Variants in FBXO28 observed in about 807,000 individuals in gnomAD.
The protein encoded by FBXO28 is F-box only protein 28.
A neutral mutation model predicts 38.1 loss-of-function variants in FBXO28; 8 were observed. The observed-to-expected ratio is 0.21, with a 90% CI of 0.12 to 0.38. The LOEUF (loss-of-function observed/expected upper bound fraction) is 0.38. Among genes scored for constraint, FBXO28 ranks in the 10% least tolerant of loss-of-function variants. The pLI is 1.00. For missense variants in FBXO28, 345 were observed against 460.6 expected, an observed-to-expected ratio of 0.75 and a Z score of 2.30; for synonymous variants, 168 against 173.8, an observed-to-expected ratio of 0.97 and a Z score of 0.26.
Position 224,158,056 on chromosome 1 carries a change from C to T in FBXO28, c.*310C>T. The T allele has an allele frequency of 9.3e-7, 1 of 1,075,430 alleles. No homozygotes were observed. The highest frequency in any genetic ancestry group is 1.1e-6 in the Non-Finnish European group (1 of 888,316). 66.6% of individuals were successfully genotyped at this position (1,075,430 alleles called of 1,614,324 possible). A position where few individuals can be genotyped will look rare whatever the true frequency, so the allele number is the denominator to read the frequency against. On this transcript the variant is annotated 3_prime_UTR_variant, in exon 5 of 5. Transcript: ENST00000366862. Reference sequence around the variant, plus strand: ...ATTTGTTTCTGCATATATGCACATACATACGTAAGGATCTTAAACCCAGTC... The same window carrying T: ...ATTTGTTTCTGCATATATGCACATATATACGTAAGGATCTTAAACCCAGTC...
chr1:224,124,279 T>G lies in FBXO28; in HGVS notation c.268-6193T>G, dbSNP rs564929364. ...ACTAAGAAAACTACATTTATTCTCT[T>G]ACAGTAGAACAGTGAGTAACAGGAG... On this transcript the variant is annotated intron_variant, in intron 1 of 4. Coordinates refer to ENST00000366862, the MANE Select transcript of FBXO28 (RefSeq NM_015176.4). Among the ~76,000 whole-genome samples the G allele has an allele frequency of 7.2e-5, 11 of 152,336 alleles. No homozygotes were observed. In the South Asian group the frequency reaches 2.3e-3, roughly 32 times the overall value.
intron 4 of FBXO28, 99 bp downstream of exon 4, chr1:224,153,436 T>A: frequency 1.2e-6 from 1 of 803,424 alleles, no homozygotes; most frequent in Non-Finnish European, 1.9e-6. Flanking sequence ...TGTTAGTAGT[T>A]GTTTATTGGC....
chr1:224,150,053 GT>G (rs1176484096), intron 3 of FBXO28, among the ~76,000 whole-genome samples: 1 of 151,140 alleles, frequency 6.6e-6, no homozygotes, highest in African/African-American at 2.4e-5. Flanking sequence ...GCCAGGTGCA[GT>G]GGCTTATGCC....
At position 224,118,288 on chromosome 1, in the gene FBXO28, A is replaced by G. The variant is rs148488589; in HGVS notation, c.267+3892A>G. Reference sequence around the variant, plus strand: ...AATTTTTTTTCTATTTATTTAAAGTACAATATAAAAAGGGAAAAAAAATTA... The same window carrying G: ...AATTTTTTTTCTATTTATTTAAAGTGCAATATAAAAAGGGAAAAAAAATTA... On this transcript the variant is annotated intron_variant, in intron 1 of 4. Transcript: ENST00000366862. Among the ~76,000 whole-genome samples the G allele has an allele frequency of 3.6e-3, 185 of 51,156 alleles. 1 individual carries two copies. Among genetic ancestry groups the G allele is most frequent in the South Asian group, 0.036 (28 of 776 alleles). The allele number at this position is 51,156 out of a possible 152,430, so 33.6% of individuals were successfully genotyped here.
At chr1:224,140,416 T>G (rs1259192331) in intron 3 of FBXO28, among the ~76,000 whole-genome samples, 2 of 152,194 alleles carry the variant, frequency 1.3e-5, no homozygotes, top group African/African-American at 4.8e-5. Flanking sequence ...TTTGTGTCAC[T>G]TGATCATCAC....
At chr1:224,121,739 C>T (rs1331361420) in intron 1 of FBXO28, among the ~76,000 whole-genome samples, 1 of 152,054 alleles carries the variant, frequency 6.6e-6, no homozygotes, top group Non-Finnish European at 1.5e-5. Flanking sequence ...CCTCCACCTC[C>T]CAGGTTCAAG....
At position 224,136,101 on chromosome 1, in the gene FBXO28, G is replaced by GTTTGTTT. The variant is rs1553290074; in HGVS notation, c.516+1892_516+1893insGTTTTTT. Among the ~76,000 whole-genome samples the GTTTGTTT allele has an allele frequency of 1.3e-4, 10 of 75,114 alleles. 1 individual carries two copies. The highest frequency in any genetic ancestry group is 5.0e-4 in the African/African-American group (9 of 17,986). The allele number at this position is 75,114 out of a possible 152,430, so 49.3% of individuals were successfully genotyped here. A position where few individuals can be genotyped will look rare whatever the true frequency, so the allele number is the denominator to read the frequency against. ...TTTTGGAAACCATTTGTTGACTTCA[G>GTTTGTTT]TTTTTTTTTTTTTTTTTTTTGAGAT... On this transcript the variant is annotated intron_variant, in intron 3 of 4. Transcript: ENST00000366862.
At chr1:224,118,643 A>C (rs1454670785) in intron 1 of FBXO28, among the ~76,000 whole-genome samples, 2 of 152,168 alleles carry the variant, frequency 1.3e-5, no homozygotes, top group African/African-American at 4.8e-5. Flanking sequence ...CAAATATGTT[A>C]GAAAATTTTA....
chr1:224,130,501 G>A lies in FBXO28; in HGVS notation c.297G>A (p.Gln99=). The part of the protein sequence containing the change: ...LVCKRMDLVC[Q]RMLNQGFLKV... ...GTAAAAGAATGGACTTGGTCTGCCA[G>A]AGAATGTTGAATCAGGGATTTCTGA... Residue 99 remains glutamine (Q), a synonymous_variant, in exon 2 of 5, where the codon CAG becomes CAA. Transcript: ENST00000366862. The A allele has an allele frequency of 6.2e-7, 1 of 1,613,982 alleles. No individual in the cohort carries two copies. The highest frequency in any genetic ancestry group is 8.5e-7 in the Non-Finnish European group (1 of 1,179,892).
chr1:224,149,858 A>G (rs1038721036), intron 3 of FBXO28, among the ~76,000 whole-genome samples: 1 of 152,232 alleles, frequency 6.6e-6, no homozygotes, highest in African/African-American at 2.4e-5. Context: ...GACCTCGTGT[A>G]TAACTAAGGA....
At chr1:224,142,681 G>A (rs1034268270) in intron 3 of FBXO28, among the ~76,000 whole-genome samples, 2 of 152,118 alleles carry the variant, frequency 1.3e-5, no homozygotes, top group Non-Finnish European at 2.9e-5. Flanking sequence ...CAGGCACAGT[G>A]GCTCCCACCT....
At chr1:224,138,645 C>A (rs1157588171) in intron 3 of FBXO28, among the ~76,000 whole-genome samples, 1 of 151,822 alleles carries the variant, frequency 6.6e-6, no homozygotes, top group African/African-American at 2.4e-5. Flanking sequence ...TGACACACAA[C>A]CGTATGTGAG....
At chr1:224,127,384 A>T (rs1426947718) in intron 1 of FBXO28, among the ~76,000 whole-genome samples, 1 of 152,108 alleles carries the variant, frequency 6.6e-6, no homozygotes, top group Non-Finnish European at 1.5e-5. Flanking sequence ...GAATGCAGAG[A>T]CAGGTATGAA....
rs1657812458 is a variant in FBXO28 at position 224,158,045 on chromosome 1, A to G, written c.*299A>G. ...AAAGTAAGTTAATTTGTTTCTGCAT[A>G]TATGCACATACATACGTAAGGATCT... On this transcript the variant is annotated 3_prime_UTR_variant, in exon 5 of 5. Transcript: ENST00000366862. The G allele has an allele frequency of 8.9e-7, 1 of 1,119,478 alleles. No individual in the cohort carries two copies. The highest frequency in any genetic ancestry group is 1.1e-6 in the Non-Finnish European group (1 of 916,062). 69.3% of individuals were successfully genotyped at this position (1,119,478 alleles called of 1,614,324 possible).
chr1:224,124,639 G>A (rs1656862936), intron 1 of FBXO28, among the ~76,000 whole-genome samples: 1 of 152,168 alleles, frequency 6.6e-6, no homozygotes, highest in Admixed American at 6.6e-5. Context: ...TCATTAAACT[G>A]CTTGTCCTGG....
At chr1:224,135,611 CAAAAAAAAAAAA>C (rs71168313) in intron 3 of FBXO28, among the ~76,000 whole-genome samples, 1 of 110,790 alleles carries the variant, frequency 9.0e-6, no homozygotes, top group Admixed American at 1.0e-4. Flanking sequence ...GACTCTGTCT[CAAAAAAAAAAAA>C]AAAAAAAAAA....
Position 224,130,599 on chromosome 1 carries a change from A to G in FBXO28, c.377+18A>G, listed in dbSNP as rs1022161385. 24 of 1,505,800 alleles carry G rather than the reference A, an allele frequency of 1.6e-5. No homozygotes were observed. The highest frequency in any genetic ancestry group is 6.7e-5 in the Admixed American group (4 of 59,542). 93.3% of individuals were successfully genotyped at this position (1,505,800 alleles called of 1,614,324 possible). A position where few individuals can be genotyped will look rare whatever the true frequency, so the allele number is the denominator to read the frequency against. ...CTCCCAAGGTATGTTGTGGGTGGCAATGACAATGATGTACAGTTGGTTTTG... is the reference window on the plus strand; with the variant it reads ...CTCCCAAGGTATGTTGTGGGTGGCAGTGACAATGATGTACAGTTGGTTTTG... On this transcript the variant is annotated intron_variant, in intron 2 of 4. Transcript: ENST00000366862.
intron 3 of FBXO28, among the ~76,000 whole-genome samples, chr1:224,140,201 A>G (rs533904575): frequency 1.1e-4 from 17 of 152,326 alleles, no homozygotes; most frequent in Admixed American, 1.0e-3. Flanking sequence ...AAGCTAGGAT[A>G]CTCTTACTTA....
At chr1:224,123,809 C>CA (rs1244436636) in intron 1 of FBXO28, among the ~76,000 whole-genome samples, 7 of 152,116 alleles carry the variant, frequency 4.6e-5, no homozygotes, top group Non-Finnish European at 1.0e-4. Context: ...TTTTGTAAAA[C>CA]AATCAGTTAA....
Sources: gnomAD v4.1 joint callset for allele counts (sites outside exome capture counted in the v4.1 genomes callset) on GRCh38, gnomAD v4.1.1 for gene constraint, MANE v1.5 for transcripts, NCBI Gene and HGNC (gene_info 2026-07-23, HGNC 2026-07-21) for gene names.